DDX31: variants seen among roughly 807,000 people sequenced by gnomAD.
The protein encoded by DDX31 is DEAD-box helicase 31.
Under a neutral mutation model 91.3 loss-of-function variants are expected in DDX31, and 70 were observed. The ratio of observed to expected loss-of-function variants is 0.77; its 90% CI spans 0.63 to 0.94. The LOEUF (loss-of-function observed/expected upper bound fraction) is 0.94, where lower values mean the gene tolerates loss of function less well. DDX31 is among the 40% of genes least tolerant of loss of function. DDX31 has a pLI of 0.00. For synonymous variants in DDX31, 362 were observed against 350.6 expected (o/e 1.03, Z -0.36); for missense variants, 902 against 925.0 (o/e 0.98, Z 0.32).
intron 18 of DDX31, 142 bp from the exon 19 acceptor site, chr9:132,612,397 A>C: frequency 1.1e-6 from 1 of 884,620 alleles, no homozygotes; most frequent in Non-Finnish European, 1.8e-6. Context: ...TATACAAACA[A>C]CTAAAATCTA....
At position 132,661,293 on chromosome 9, in the gene DDX31, C is replaced by A. The variant is rs745711261; in HGVS notation, c.409-42G>T. 2.6e-5 allele frequency: 38 copies of A among 1,460,860 alleles called. 1 individual carries two copies. Among genetic ancestry groups the A allele is most frequent in the Non-Finnish European group, 2.9e-5 (31 of 1,051,924 alleles). The allele number at this position is 1,460,860 out of a possible 1,614,324, so 90.5% of individuals were successfully genotyped here. A position where few individuals can be genotyped will look rare whatever the true frequency, so the allele number is the denominator to read the frequency against. Reference sequence around the variant, plus strand: ...AAAAGCTTTAATTAATATTTTGATACAAAATATTTAACGGAAATTACACAA... The same window carrying A: ...AAAAGCTTTAATTAATATTTTGATAAAAAATATTTAACGGAAATTACACAA... On this transcript the variant is annotated intron_variant, in intron 3 of 19. Transcript: ENST00000372159.
intron 10 of DDX31, 42 bp downstream of exon 10, chr9:132,648,390 G>C: frequency 6.2e-7 from 1 of 1,609,012 alleles, no homozygotes; most frequent in Non-Finnish European, 8.5e-7. Flanking sequence ...AGGAGAAACA[G>C]CCCTTCTCTT....
intron 6 of DDX31, 34 bp downstream of exon 6, chr9:132,658,637 T>C (rs754629266): frequency 6.3e-7 from 1 of 1,593,258 alleles, no homozygotes. Context: ...TTATGCACTA[T>C]GAGCAATGAC....
At chr9:132,662,370 G>A (rs913181509) in intron 2 of DDX31, 34 bp from the exon 3 acceptor site, 25 of 1,614,044 alleles carry the variant, frequency 1.5e-5, no homozygotes, top group Non-Finnish European at 2.1e-5. Context: ...AGGCATCAGT[G>A]CCAATATTAA....
chr9:132,669,491 A>C, intron 1 of DDX31: 1 of 1,042,744 alleles, frequency 9.6e-7, no homozygotes, highest in South Asian at 1.4e-5. Flanking sequence ...ATCAGAGCTT[A>C]GTCCGCACTC....
In DDX31 at chr9:132,646,097, A is replaced by G. The variant is rs775327934; in HGVS notation, c.1204-26T>C. 3 of 1,602,664 alleles carry G rather than the reference A, an allele frequency of 1.9e-6. No homozygotes were observed. The East Asian group carries it at 6.7e-5, about 36-fold the overall frequency. ...CTACATCGATACAAAGGGAGGAAAA[A>G]CCGACATATTTTAAGATTAGGTGAC... is the stretch of plus-strand genomic sequence containing the variant. On this transcript the variant is annotated intron_variant, in intron 12 of 19. Transcript: ENST00000372159.
chr9:132,631,905 A>AT, intron 15 of DDX31, 136 bp downstream of exon 15: 1 of 733,180 alleles, frequency 1.4e-6, no homozygotes, highest in Admixed American at 2.9e-5. Context: ...AATTGAACAG[A>AT]TAAGGCTGGT....
At chr9:132,617,049 C>G (rs981288737) in intron 18 of DDX31, among the ~76,000 whole-genome samples, 1 of 152,160 alleles carries the variant, frequency 6.6e-6, no homozygotes, top group Admixed American at 6.5e-5. Context: ...TCTTTCAAAC[C>G]TAAGTCAGAT....
chr9:132,619,879 TG>T (rs1272683163), intron 17 of DDX31, among the ~76,000 whole-genome samples: 1 of 149,162 alleles, frequency 6.7e-6, no homozygotes, highest in African/African-American at 2.5e-5. Context: ...ACCTTCCCTG[TG>T]TTTTTTTTTT....
In DDX31 at chr9:132,594,921, C is replaced by T. The variant is rs966327973; in HGVS notation, c.2186G>A (p.Trp729Ter). The T allele has an allele frequency of 1.2e-6, 2 of 1,614,010 alleles. No homozygotes were observed. Among genetic ancestry groups the T allele is most frequent in the Non-Finnish European group, 1.7e-6 (2 of 1,180,046 alleles). Residue 729 changes from tryptophan (W) to a stop codon, truncating the protein, a stop_gained, in exon 20 of 20, where the codon TGG becomes TAG. Transcript: ENST00000372159. LOFTEE classifies it low-confidence loss of function (END_TRUNC). ...PCFGRGKTLK[W>*]RKTQKGVQRD... ...CTGTACACCTTTTTGGGTTTTTCTCCATTTTAATGTTTTCCCACGGCCAAA... is the reference window on the plus strand; with the variant it reads ...CTGTACACCTTTTTGGGTTTTTCTCTATTTTAATGTTTTCCCACGGCCAAA...
In DDX31 at chr9:132,596,068, A is replaced by G. The variant is rs1830420497; in HGVS notation, c.1995-956T>C. Among the ~76,000 whole-genome samples the G allele has an allele frequency of 2.0e-5, 3 of 152,216 alleles. No homozygotes were observed. The South Asian group carries it at 6.2e-4, about 32-fold the overall frequency. ...CTTGCTGGCAACTCCTTCAATACCAAAACGGCAATGTCTTAGGATACTATA... is the reference window on the plus strand; with the variant it reads ...CTTGCTGGCAACTCCTTCAATACCAGAACGGCAATGTCTTAGGATACTATA... On this transcript the variant is annotated intron_variant, in intron 19 of 19. Coordinates refer to ENST00000372159, the MANE Select transcript of DDX31 (RefSeq NM_022779.9).
intron 16 of DDX31, among the ~76,000 whole-genome samples, chr9:132,628,939 C>T (rs1296765266): frequency 1.3e-5 from 2 of 152,268 alleles, no homozygotes. Context: ...TTATGACGGG[C>T]TCCCAGCCTG....
At chr9:132,619,076 C>A (rs1185696499) in intron 17 of DDX31, among the ~76,000 whole-genome samples, 1 of 152,184 alleles carries the variant, frequency 6.6e-6, no homozygotes, top group African/African-American at 2.4e-5. Context: ...TGGATCTTTG[C>A]AGCAAATCGT....
intron 18 of DDX31, among the ~76,000 whole-genome samples, chr9:132,615,651 G>C (rs1000718603): frequency 6.6e-6 from 1 of 152,178 alleles, no homozygotes; most frequent in African/African-American, 2.4e-5. Context: ...AGATGGAGAG[G>C]ATTAAGCCAC....
chr9:132,647,377 C>A (rs1019923372), intron 11 of DDX31, among the ~76,000 whole-genome samples: 3 of 151,992 alleles, frequency 2.0e-5, no homozygotes, highest in Admixed American at 6.6e-5. Flanking sequence ...TCTTGGATTT[C>A]AAAGGTTTCA....
At chr9:132,598,414 G>C (rs1439988580) in intron 19 of DDX31, among the ~76,000 whole-genome samples, 1 of 152,092 alleles carries the variant, frequency 6.6e-6, no homozygotes, top group African/African-American at 2.4e-5. Context: ...TAGTAATCCT[G>C]TAGTTACCAA....
At chr9:132,626,859 A>G (rs372315107) in intron 16 of DDX31, among the ~76,000 whole-genome samples, 1 of 152,132 alleles carries the variant, frequency 6.6e-6, no homozygotes, top group Non-Finnish European at 1.5e-5. Context: ...TCACAGCCCT[A>G]TGGATGAGTG....
chr9:132,620,962 C>G (rs530481283), intron 17 of DDX31, among the ~76,000 whole-genome samples: 1 of 152,200 alleles, frequency 6.6e-6, no homozygotes, highest in Non-Finnish European at 1.5e-5. Flanking sequence ...TCTCTAACAT[C>G]CTACTGATCT....
At chr9:132,647,134 A>ATGGGTGGGTGCTGTATGGGG in intron 11 of DDX31, 76 bp from the exon 12 acceptor site, 2 of 1,335,322 alleles carry the variant, frequency 1.5e-6, no homozygotes, top group Non-Finnish European at 2.1e-6. Context: ...ACCCCCATAC[A>ATGGGTGGGTGCTGTATGGGG]GCACCCACCC....
Sources: allele counts gnomAD v4.1 joint callset (sites outside exome capture counted in the v4.1 genomes callset), GRCh38; gene constraint gnomAD v4.1.1; transcripts MANE v1.5; gene names NCBI Gene and HGNC (gene_info 2026-07-23, HGNC 2026-07-21).